The following CTNNA2 variants were observed in gnomAD, a reference collection of about 807,000 sequenced individuals.
CTNNA2 encodes the protein catenin alpha 2.
CTNNA2 carries 42 observed loss-of-function variants against 101.0 expected under a neutral mutation model. The ratio of observed to expected loss-of-function variants is 0.42; its 90% CI spans 0.32 to 0.54. CTNNA2 has a LOEUF of 0.54. Among genes scored for constraint, CTNNA2 ranks in the 20% least tolerant of loss-of-function variants. CTNNA2 has a pLI of 0.14. For synonymous variants in CTNNA2, 450 were observed against 456.4 expected, an observed-to-expected ratio of 0.99 and a Z score of 0.18; for missense variants, 871 against 1,223.1, an observed-to-expected ratio of 0.71 and a Z score of 4.29.
intron 1 of CTNNA2, among the ~76,000 whole-genome samples, chr2:79,534,137 C>A (rs1375128893): frequency 6.6e-6 from 1 of 151,978 alleles, no homozygotes; most frequent in Non-Finnish European, 1.5e-5. Context: ...TATTCATTTT[C>A]AACATGGTTG....
chr2:79,949,296 G>A (rs6721643), intron 7 of CTNNA2, among the ~76,000 whole-genome samples: 98,009 of 151,996 alleles, frequency 0.64, 32,005 homozygotes, highest in East Asian at 0.88. Context: ...TATTGCCTCT[G>A]TAATTGTGTA....
At chr2:80,205,140 C>T (rs948270037) in intron 7 of CTNNA2, among the ~76,000 whole-genome samples, 1 of 152,164 alleles carries the variant, frequency 6.6e-6, no homozygotes, top group African/African-American at 2.4e-5. Context: ...CCATATCATA[C>T]ACTCAGTTCT....
At chr2:80,076,340 G>A (rs1414361548) in intron 7 of CTNNA2, among the ~76,000 whole-genome samples, 4 of 151,094 alleles carry the variant, frequency 2.6e-5, no homozygotes. Context: ...GTACAGTGGT[G>A]CAATCACGGT....
At chr2:80,478,379 C>T (rs755344241) in intron 9 of CTNNA2, among the ~76,000 whole-genome samples, 13 of 152,008 alleles carry the variant, frequency 8.6e-5, no homozygotes, top group East Asian at 3.9e-4. Flanking sequence ...TTTTGCTGTG[C>T]GGAAGCTTTT....
At chr2:80,642,981 A>G (rs555542681) in intron 18 of CTNNA2, among the ~76,000 whole-genome samples, 62 of 152,294 alleles carry the variant, frequency 4.1e-4, no homozygotes, top group African/African-American at 1.4e-3. Context: ...ACAATGTCCT[A>G]TAGAAAGGCC....
At chr2:79,746,572 C>G (rs73938801) in intron 3 of CTNNA2, among the ~76,000 whole-genome samples, 7,088 of 152,246 alleles carry the variant, frequency 0.047, 224 homozygotes, top group African/African-American at 0.092. Context: ...CTTGTTACTT[C>G]CCTTTCCTTC....
chr2:80,383,581 T>G (rs948061915), intron 7 of CTNNA2, among the ~76,000 whole-genome samples: 1 of 152,208 alleles, frequency 6.6e-6, no homozygotes, highest in African/African-American at 2.4e-5. Flanking sequence ...TTTGAGCTTT[T>G]CTTTGAAGAA....
At chr2:80,270,549 C>T (rs1469963210) in intron 7 of CTNNA2, among the ~76,000 whole-genome samples, 1 of 152,134 alleles carries the variant, frequency 6.6e-6, no homozygotes. Flanking sequence ...AGACACAATT[C>T]AGTGAAAGTT....
intron 3 of CTNNA2, among the ~76,000 whole-genome samples, chr2:79,809,416 A>C (rs1676833797): frequency 6.6e-6 from 1 of 152,234 alleles, no homozygotes; most frequent in Non-Finnish European, 1.5e-5. Flanking sequence ...ACAGTGTAAA[A>C]GCATTCCTAT....
intron 2 of CTNNA2, among the ~76,000 whole-genome samples, chr2:79,251,043 G>C (rs1558587121): frequency 6.6e-6 from 1 of 152,104 alleles, no homozygotes; most frequent in African/African-American, 2.4e-5. Context: ...GTTAAAATCT[G>C]GCACTTCCTA....
At chr2:79,945,552 A>T (rs1246871509) in intron 7 of CTNNA2, among the ~76,000 whole-genome samples, 1 of 152,126 alleles carries the variant, frequency 6.6e-6, no homozygotes, top group Non-Finnish European at 1.5e-5. Context: ...GCGTTCATTG[A>T]CCAATGTGTT....
chr2:80,345,675 A>G (rs994093225), intron 7 of CTNNA2, among the ~76,000 whole-genome samples: 3 of 152,198 alleles, frequency 2.0e-5, no homozygotes, highest in African/African-American at 7.2e-5. Context: ...AAAAAATTGA[A>G]TGAATGACTC....
At chr2:79,653,837 A>G (rs1176286359) in intron 2 of CTNNA2, among the ~76,000 whole-genome samples, 1 of 152,192 alleles carries the variant, frequency 6.6e-6, no homozygotes, top group African/African-American at 2.4e-5. Context: ...CTAAATATGT[A>G]AGTTCATCAC....
Position 79,876,995 on chromosome 2 carries a change from CACTA to C in CTNNA2, c.852+2658_852+2661del, listed in dbSNP as rs982439416. Among the ~76,000 whole-genome samples the C allele has an allele frequency of 7.5e-4, 113 of 151,502 alleles. 1 individual carries two copies. Among genetic ancestry groups the C allele is most frequent in the African/African-American group, 2.7e-3 (110 of 41,388 alleles). On this transcript the variant is annotated intron_variant, in intron 6 of 18. Transcript: ENST00000402739. ...ATAAAGTATAATATGGTAAATAAGTCACTAACTATATTTTATTAACTTTAAACTT... is the reference window on the plus strand; with the variant it reads ...ATAAAGTATAATATGGTAAATAAGTCACTATATTTTATTAACTTTAAACTT...
chr2:80,003,171 G>A (rs1693083112), intron 7 of CTNNA2, among the ~76,000 whole-genome samples: 1 of 152,142 alleles, frequency 6.6e-6, no homozygotes, highest in South Asian at 2.1e-4. Flanking sequence ...ACCAGGACAG[G>A]TTTATATTGA....
chr2:79,808,111 A>G (rs72824567), intron 3 of CTNNA2, among the ~76,000 whole-genome samples: 8,671 of 152,282 alleles, frequency 0.057, 294 homozygotes, highest in Middle Eastern at 0.13. Flanking sequence ...AGAGTAATTT[A>G]AAGTATTTCA....
intron 3 of CTNNA2, among the ~76,000 whole-genome samples, chr2:79,364,278 G>T (rs184621573): frequency 5.3e-5 from 8 of 152,102 alleles, no homozygotes; most frequent in African/African-American, 1.9e-4. Context: ...TCCACTTGGG[G>T]TTATAGAATG....
intron 2 of CTNNA2, among the ~76,000 whole-genome samples, chr2:79,656,943 C>T (rs1225432035): frequency 6.6e-6 from 1 of 151,622 alleles, no homozygotes; most frequent in Non-Finnish European, 1.5e-5. Context: ...AAGATCCCTT[C>T]CTAACAAAAT....
chr2:79,363,051 C>G (rs1353300564), intron 3 of CTNNA2, among the ~76,000 whole-genome samples: 1 of 152,190 alleles, frequency 6.6e-6, no homozygotes, highest in Admixed American at 6.5e-5. Flanking sequence ...GGTCTTGGGA[C>G]TGTTACTTAA....
Sources: gnomAD v4.1 joint callset for allele counts (sites outside exome capture counted in the v4.1 genomes callset) on GRCh38, gnomAD v4.1.1 for gene constraint, MANE v1.5 for transcripts, NCBI Gene and HGNC (gene_info 2026-07-23, HGNC 2026-07-21) for gene names.